Variants in PLXNA1 observed in about 807,000 individuals in gnomAD.
The protein encoded by PLXNA1 is plexin A1.
A neutral mutation model predicts 191.7 loss-of-function variants in PLXNA1; 77 were observed. The observed-to-expected ratio is 0.40, with a 90% CI of 0.33 to 0.49. PLXNA1 has a LOEUF of 0.49. PLXNA1 is among the 20% of genes least tolerant of loss of function. The pLI is 0.63. For missense variants in PLXNA1, 2,110 were observed against 2,660.2 expected (o/e 0.79, Z 4.55); for synonymous variants, 1,137 against 1,156.4 (o/e 0.98, Z 0.34).
At position 127,034,209 on chromosome 3, in the gene PLXNA1, C is replaced by T. The variant is rs1339258021; in HGVS notation, c.*192C>T. Reference sequence around the variant, plus strand: ...TCCTGTGTGGAGGTGATGGTACCTGCCACACCACAGCTGCGCACACAGCTG... The same window carrying T: ...TCCTGTGTGGAGGTGATGGTACCTGTCACACCACAGCTGCGCACACAGCTG... On this transcript the variant is annotated 3_prime_UTR_variant, in exon 32 of 32. Transcript: ENST00000393409. The T allele has an allele frequency of 1.1e-5, 6 of 562,868 alleles. No homozygotes were observed. In the Middle Eastern group the frequency reaches 1.4e-3, roughly 133 times the overall value. The allele number at this position is 562,868 out of a possible 1,614,324, so 34.9% of individuals were successfully genotyped here.
At position 126,989,638 on chromosome 3, in the gene PLXNA1, G is replaced by C. The variant is rs41266465; in HGVS notation, c.1045G>C (p.Val349Leu). ...GTTCGCCCAGGGCCAGAAGAACCGC[G>C]TGAAGCCACCAAAGGAGTCAGCACT... is the stretch of plus-strand genomic sequence containing the variant. ...TVFAQGQKNR[V>L]KPPKESALCL... is the part of the protein sequence containing the mutation. Residue 349 changes from valine (V) to leucine (L), a missense_variant, in exon 2 of 32, where the codon GTG (valine) becomes CTG (leucine). By Grantham distance (32) the Val-to-Leu change is conservative (BLOSUM62 1). Transcript: ENST00000393409. 2,318 of 1,613,080 alleles carry C rather than the reference G, an allele frequency of 1.4e-3. 2 individuals are homozygous for C. Among genetic ancestry groups the C allele is most frequent in the Non-Finnish European group, 1.9e-3 (2,188 of 1,179,962 alleles).
At position 127,016,978 on chromosome 3, in the gene PLXNA1, C is replaced by A. The variant is rs1171349761; in HGVS notation, c.3217C>A (p.Leu1073Met). 1.9e-6 allele frequency: 3 copies of A among 1,613,360 alleles called. No individual in the cohort carries two copies. The highest frequency in any genetic ancestry group is 2.5e-6 in the Non-Finnish European group (3 of 1,179,962). ...CCTCCTGACGGTCACAGGCACCAAC[C>A]TGGCCACTGTCCGTGAACCCCGAAT... ...GTLLTVTGTNLATVREPRIRA... is the reference protein window; with the variant it reads ...GTLLTVTGTNMATVREPRIRA... The change falls in exon 17 of 32, where the codon CTG becomes ATG. Residue 1073 changes from leucine (L) to methionine (M), a missense_variant. By Grantham distance (15) the Leu-to-Met change is conservative (BLOSUM62 2). This residue lies in a region of PLXNA1 where 644 missense variants were observed against 714.3 expected (regional missense o/e 0.90). Transcript: ENST00000393409.
At position 127,035,163 on chromosome 3, in the gene PLXNA1, G is replaced by C. The variant is rs2079234125; in HGVS notation, c.*1146G>C. 6.6e-6 allele frequency: 1 copy of C among 152,252 alleles called. No individual in the cohort carries two copies. The allele number at this position is 152,252 out of a possible 1,614,324, so 9.4% of individuals were successfully genotyped here. ...ACGGGCAGTGACCAGAGGGACTGGA[G>C]GCCAGCGGTGTCCACCCTTGCCCTC... On this transcript the variant is annotated 3_prime_UTR_variant, in exon 32 of 32. Coordinates refer to ENST00000393409, the MANE Select transcript of PLXNA1 (RefSeq NM_032242.4).
Position 127,022,930 on chromosome 3 carries a change from C to G in PLXNA1, c.4362+112C>G, listed in dbSNP as rs1009048889. 20 of 984,728 alleles carry G rather than the reference C, an allele frequency of 2.0e-5. No individual in the cohort carries two copies. The African/African-American group carries it at 3.2e-4, about 16-fold the overall frequency. 61.0% of individuals were successfully genotyped at this position (984,728 alleles called of 1,614,324 possible). A position where few individuals can be genotyped will look rare whatever the true frequency, so the allele number is the denominator to read the frequency against. ...GCTGGAGAATGACAGCTGGTGGGGT[C>G]TTGGTCGAGTTCTGGCTTGGGCCAA... On this transcript the variant is annotated intron_variant, in intron 23 of 31. Coordinates refer to ENST00000393409, the MANE Select transcript of PLXNA1 (RefSeq NM_032242.4).
chr3:127,015,403 C>T (rs1033265350), intron 15 of PLXNA1, 83 bp downstream of exon 15: 22 of 1,514,918 alleles, frequency 1.5e-5, no homozygotes, highest in Non-Finnish European at 1.9e-5. Flanking sequence ...GTTGCCTGGG[C>T]AACGGGGCTA....
rs367854425 is a variant in PLXNA1, at chr3:126,989,151, C to T, written c.558C>T (p.Phe186=). The T allele has an allele frequency of 5.3e-5, 86 of 1,613,272 alleles. No individual in the cohort carries two copies. The highest frequency in any genetic ancestry group is 1.6e-4 in the Middle Eastern group (1 of 6,084). Residue 186 remains phenylalanine, a synonymous_variant, in exon 2 of 32, where the codon TTC becomes TTT. Transcript: ENST00000393409. Reference sequence around the variant, plus strand: ...CGGGCCAGGGCCAGGCCAAGCTCTTCGTGGGCACACCCATCGATGGCAAGT... The same window carrying T: ...CGGGCCAGGGCCAGGCCAAGCTCTTTGTGGGCACACCCATCGATGGCAAGT... ...GPPGQGQAKL[F]VGTPIDGKSE...
chr3:126,983,681 C>T (rs1308806665), intron 1 of PLXNA1, among the ~76,000 whole-genome samples: 2 of 151,134 alleles, frequency 1.3e-5, no homozygotes, highest in African/African-American at 4.8e-5. Flanking sequence ...CGCTGCCCCT[C>T]CACGGAGGCT....
At position 127,030,083 on chromosome 3, in the gene PLXNA1, TG is replaced by T; in HGVS notation, c.5061+24del. On this transcript the variant is annotated intron_variant, in intron 28 of 31. Coordinates refer to ENST00000393409, the MANE Select transcript of PLXNA1 (RefSeq NM_032242.4). ...CACCAAGGTGGGCCTGGCTGGCAGA[TG>T]GGGGCAGGGGACGCTGGGCCAACTG... 1 of 1,608,646 alleles carries T rather than the reference TG, an allele frequency of 6.2e-7. No homozygotes were observed. Among genetic ancestry groups the T allele is most frequent in the Non-Finnish European group, 8.5e-7 (1 of 1,175,960 alleles).
chr3:127,032,884 C>T, intron 31 of PLXNA1, 48 bp downstream of exon 31: 1 of 1,588,564 alleles, frequency 6.3e-7, no homozygotes, highest in South Asian at 1.1e-5. Flanking sequence ...GCTTGCCGGC[C>T]CCTGCCAGAG....
At chr3:126,985,331 G>A (rs561224651) in intron 1 of PLXNA1, among the ~76,000 whole-genome samples, 1 of 152,060 alleles carries the variant, frequency 6.6e-6, no homozygotes, top group Non-Finnish European at 1.5e-5. Context: ...TCTCTCCCTG[G>A]CTAGCCCCAT....
chr3:127,029,831 C>G lies in PLXNA1; in HGVS notation c.4871-43C>G, dbSNP rs1559966808. 5 of 1,524,264 alleles carry G rather than the reference C, an allele frequency of 3.3e-6. No homozygotes were observed. The East Asian group carries it at 1.2e-4, about 37-fold the overall frequency. 94.4% of individuals were successfully genotyped at this position (1,524,264 alleles called of 1,614,324 possible). On this transcript the variant is annotated intron_variant, in intron 27 of 31. Transcript: ENST00000393409. ...GGGAAACAGGCTCGGGCGGGGGGTG[C>G]GGGGTGCCAGCCAACGCGGGCGCTG...
At chr3:127,023,313 G>A (rs905206010) in intron 23 of PLXNA1, among the ~76,000 whole-genome samples, 1 of 152,256 alleles carries the variant, frequency 6.6e-6, no homozygotes, top group Non-Finnish European at 1.5e-5. Context: ...CCAGGGCCCA[G>A]GCTGGATGGG....
chr3:127,015,127 C>G lies in PLXNA1; in HGVS notation c.2878-57C>G. On this transcript the variant is annotated intron_variant, in intron 14 of 31. Transcript: ENST00000393409. Reference sequence around the variant, plus strand: ...TAAGCAGGCCAAGTGGGGCCTGTCCCCATGTGGCCCGAGGGGGACTTTCCT... The same window carrying G: ...TAAGCAGGCCAAGTGGGGCCTGTCCGCATGTGGCCCGAGGGGGACTTTCCT... The G allele has an allele frequency of 3.2e-6, 5 of 1,571,340 alleles. No individual in the cohort carries two copies. In the South Asian group the frequency reaches 4.8e-5, roughly 15 times the overall value.
chr3:127,026,680 C>T (rs540876905), intron 23 of PLXNA1: 4 of 152,354 alleles, frequency 2.6e-5, no homozygotes, highest in East Asian at 1.9e-4. Flanking sequence ...CTCTAATTAC[C>T]GCAGATGCTA....
At chr3:126,996,594 G>A (rs2079015902) in intron 3 of PLXNA1, among the ~76,000 whole-genome samples, 1 of 152,162 alleles carries the variant, frequency 6.6e-6, no homozygotes, top group African/African-American at 2.4e-5. Flanking sequence ...GGAGCTGGGG[G>A]GGCAAGAAGT....
intron 3 of PLXNA1, 105 bp from the exon 4 acceptor site, chr3:127,003,225 T>G: frequency 7.6e-7 from 1 of 1,307,822 alleles, no homozygotes; most frequent in Non-Finnish European, 1.0e-6. Context: ...CATGCATGTC[T>G]GGGCAGCTCA....
In PLXNA1 at chr3:126,992,815, A is replaced by G. The variant is rs1226382928; in HGVS notation, c.1377+1249A>G. Reference sequence around the variant, plus strand: ...TGCTGTGACTTCCCTCTTGGCCCCCATGTGGGGTACCGCCCTGTGGCTCTG... The same window carrying G: ...TGCTGTGACTTCCCTCTTGGCCCCCGTGTGGGGTACCGCCCTGTGGCTCTG... On this transcript the variant is annotated intron_variant, in intron 3 of 31. Transcript: ENST00000393409. Among the ~76,000 whole-genome samples, 5 of 152,050 alleles carry G rather than the reference A, an allele frequency of 3.3e-5. No individual in the cohort carries two copies. The East Asian group carries it at 5.8e-4, about 18-fold the overall frequency.
Position 127,014,827 on chromosome 3 carries a change from T to A in PLXNA1, c.2873T>A (p.Phe958Tyr), listed in dbSNP as rs1269777504. The change falls in exon 14 of 32, where the codon TTC becomes TAC. Residue 958 changes from phenylalanine (F) to tyrosine (Y), a missense_variant. Transcript: ENST00000393409. Reference protein sequence around the residue: ...YRALSPKRFTFVTPTFYRVSP... With the variant: ...YRALSPKRFTYVTPTFYRVSP... ...GCCCTGTCACCCAAGCGCTTCACCT[T>A]CGTGGTGAGTCTGCTGCCCTCCCTC... 1 of 1,611,676 alleles carries A rather than the reference T, an allele frequency of 6.2e-7. No homozygotes were observed. The highest frequency in any genetic ancestry group is 1.1e-5 in the South Asian group (1 of 90,990).
chr3:126,997,864 T>C (rs891365502), intron 3 of PLXNA1, among the ~76,000 whole-genome samples: 1 of 152,180 alleles, frequency 6.6e-6, no homozygotes, highest in Non-Finnish European at 1.5e-5. Flanking sequence ...TCAACACCAT[T>C]GATAAGGTGG....
Sources: allele counts gnomAD v4.1 joint callset (sites outside exome capture counted in the v4.1 genomes callset), GRCh38; gene constraint gnomAD v4.1.1; regional missense constraint gnomAD v4.1.1; transcripts MANE v1.5; gene names NCBI Gene and HGNC (gene_info 2026-07-23, HGNC 2026-07-21).